The following CHMP7 variants were observed in gnomAD, a reference collection of about 807,000 sequenced individuals.
CHMP7 encodes charged multivesicular body protein 7.
CHMP7 carries 15 observed loss-of-function variants against 53.7 expected under a neutral mutation model. The observed-to-expected ratio is 0.28, with a 90% CI of 0.19 to 0.43. The LOEUF is 0.43. CHMP7 is among the 20% of genes least tolerant of loss of function. The pLI, the probability that CHMP7 is intolerant of heterozygous loss-of-function variation, is 1.00. For missense variants in CHMP7, 527 were observed against 569.4 expected (o/e 0.93, Z 0.76); for synonymous variants, 261 against 228.0 (o/e 1.14, Z -1.30).
intron 2 of CHMP7, 126 bp downstream of exon 2, chr8:23,247,120 C>G: frequency 1.1e-6 from 1 of 929,274 alleles, no homozygotes; most frequent in South Asian, 1.9e-5. Flanking sequence ...GAGAAGGCAT[C>G]CAGTGTGTGT....
Position 23,260,845 on chromosome 8 carries a change from C to T in CHMP7, c.*246C>T. 3.7e-6 allele frequency: 2 copies of T among 547,100 alleles called. No homozygotes were observed. The highest frequency in any genetic ancestry group is 5.0e-5 in the South Asian group (2 of 40,098). The allele number at this position is 547,100 out of a possible 1,614,324, so 33.9% of individuals were successfully genotyped here. ...TTTATAGTGCCACGATTTATACAGT[C>T]CTGTGTCTGACCTGTCATTTCATAG... is the stretch of plus-strand genomic sequence containing the variant. On this transcript the variant is annotated 3_prime_UTR_variant, in exon 11 of 11. Transcript: ENST00000397677.
At chr8:23,258,940 T>A in intron 8 of CHMP7, 110 bp downstream of exon 8, 1 of 1,055,004 alleles carries the variant, frequency 9.5e-7, no homozygotes, top group South Asian at 1.3e-5. Flanking sequence ...CTTGTGAACT[T>A]GAGGAAGCTT....
rs560797711 is a variant in CHMP7 at position 23,253,365 on chromosome 8, C to T, written c.472-1882C>T. 1.5e-3 allele frequency among the ~76,000 whole-genome samples: 235 copies of T among 152,314 alleles called. 1 individual carries two copies. Among genetic ancestry groups the T allele is most frequent in the Middle Eastern group, 3.4e-3 (1 of 294 alleles). ...GTGGCACAATGTTGGCTCAGTGCAA[C>T]CTCCGCCTCCTGGGTTCAAGCAATT... On this transcript the variant is annotated intron_variant, in intron 3 of 10. Coordinates refer to ENST00000397677, the MANE Select transcript of CHMP7 (RefSeq NM_152272.5).
rs2128860190 is a variant in CHMP7, at chr8:23,258,465, T to C, written c.960+16T>C. On this transcript the variant is annotated intron_variant, in intron 7 of 10. Coordinates refer to ENST00000397677, the MANE Select transcript of CHMP7 (RefSeq NM_152272.5). ...AGATCAGATGGTAGTCACTCCCCTC[T>C]ACTCCAGCACTTGGCTGGTCTCTCC... 1 of 1,613,818 alleles carries C rather than the reference T, an allele frequency of 6.2e-7. No individual in the cohort carries two copies. The highest frequency in any genetic ancestry group is 2.2e-5 in the East Asian group (1 of 44,824).
chr8:23,257,178 A>C (rs1802169593), intron 5 of CHMP7, among the ~76,000 whole-genome samples: 1 of 148,580 alleles, frequency 6.7e-6, no homozygotes, highest in Admixed American at 6.8e-5. Context: ...AGCTCACTGC[A>C]GTCTAACTCC....
At position 23,246,705 on chromosome 8, in the gene CHMP7, C is replaced by T. The variant is rs754602844; in HGVS notation, c.10C>T (p.Pro4Ser). Residue 4 changes from proline (P) to serine (S), a missense_variant, in exon 2 of 11, where the codon CCG becomes TCG. Physicochemically the swap from Pro to Ser is moderately conservative, Grantham distance 74 (BLOSUM62 -1). Transcript: ENST00000397677. ...CGGGGCTGGGGTTCCGATGTGGTCC[C>T]CGGAGCGGGAGGCCGAGGCCCCAGC... The part of the protein sequence containing the change: MWS[P>S]EREAEAPAGG... 2 of 1,548,580 alleles carry T rather than the reference C, an allele frequency of 1.3e-6. No individual in the cohort carries two copies. The highest frequency in any genetic ancestry group is 2.4e-5 in the South Asian group (2 of 83,994).
intron 3 of CHMP7, among the ~76,000 whole-genome samples, chr8:23,254,481 G>A (rs1314440521): frequency 6.6e-6 from 1 of 151,992 alleles, no homozygotes; most frequent in Admixed American, 6.5e-5. Flanking sequence ...TGCAACCTCC[G>A]CCTCCCAGGT....
rs1554528473 is a variant in CHMP7 at position 23,254,185 on chromosome 8, C to CCTTT, written c.472-1062_472-1061insCTTT. Reference sequence around the variant, plus strand: ...GCTCACTCTTCAGAATTCTGCTCAACTTTTTTTTTTTTTCAAGAAATCCTG... The same window carrying CCTTT: ...GCTCACTCTTCAGAATTCTGCTCAACCTTTTTTTTTTTTTTTTCAAGAAATCCTG... On this transcript the variant is annotated intron_variant, in intron 3 of 10. Coordinates refer to ENST00000397677, the MANE Select transcript of CHMP7 (RefSeq NM_152272.5). Among the ~76,000 whole-genome samples the CCTTT allele has an allele frequency of 5.2e-5, 7 of 134,930 alleles. 1 individual carries two copies. The highest frequency in any genetic ancestry group is 6.1e-5 in the Non-Finnish European group (4 of 65,246). 88.5% of individuals were successfully genotyped at this position (134,930 alleles called of 152,430 possible).
At chr8:23,254,185 C>CCT (rs1554528473) in intron 3 of CHMP7, among the ~76,000 whole-genome samples, 42,524 of 134,824 alleles carry the variant, frequency 0.32, 6,850 homozygotes, top group East Asian at 0.42. Context: ...TTCTGCTCAA[C>CCT]TTTTTTTTTT....
chr8:23,259,205 G>A, intron 9 of CHMP7, 79 bp downstream of exon 9: 1 of 686,962 alleles, frequency 1.5e-6, no homozygotes, highest in Non-Finnish European at 2.2e-6. Context: ...GTCTCGCTCT[G>A]TCGCCCAGGC....
chr8:23,259,677 T>C (rs1802302493), intron 9 of CHMP7, among the ~76,000 whole-genome samples: 1 of 152,176 alleles, frequency 6.6e-6, no homozygotes, highest in Non-Finnish European at 1.5e-5. Flanking sequence ...TGTTTCTTCC[T>C]TTCATCCTGG....
intron 4 of CHMP7, among the ~76,000 whole-genome samples, chr8:23,255,640 T>C (rs1329543073): frequency 6.6e-6 from 1 of 152,156 alleles, no homozygotes; most frequent in Non-Finnish European, 1.5e-5. Context: ...TGGGACCTCG[T>C]AGTATCCCGC....
chr8:23,259,035 C>A, intron 8 of CHMP7, 31 bp from the exon 9 acceptor site: 1 of 1,488,488 alleles, frequency 6.7e-7, no homozygotes, highest in South Asian at 1.1e-5. Flanking sequence ...CCACCATGCC[C>A]AGCTCAAGGC....
intron 3 of CHMP7, among the ~76,000 whole-genome samples, chr8:23,252,684 T>G (rs1801979999): frequency 6.6e-6 from 1 of 152,230 alleles, no homozygotes; most frequent in East Asian, 1.9e-4. Flanking sequence ...GCTATTGAAT[T>G]TCAGGTCTTG....
chr8:23,260,321 G>A lies in CHMP7; in HGVS notation c.1298G>A (p.Gly433Glu), dbSNP rs541546531. Residue 433 changes from glycine (G) to glutamate (E), a missense_variant and splice_region_variant, in exon 10 of 11, where the codon GGA becomes GAA. By Grantham distance (98) the Gly-to-Glu change is moderately conservative. Transcript: ENST00000397677. ...AELEKLSLSE[G>E]GLVPSSKSPK... ...CTTGAGAAACTGTCCTTATCAGAGG[G>A]AGGTATGGAGCTGTTTTCCAAGGCC... The A allele has an allele frequency of 2.4e-5, 38 of 1,614,176 alleles. No homozygotes were observed. Among genetic ancestry groups the A allele is most frequent in the African/African-American group, 2.1e-4 (16 of 75,050 alleles).
At chr8:23,256,438 G>C in intron 4 of CHMP7, 22 bp from the exon 5 acceptor site, 1 of 1,581,140 alleles carries the variant, frequency 6.3e-7, no homozygotes, top group Non-Finnish European at 8.7e-7. Context: ...AGCAGCAGTA[G>C]TAATTTCTCC....
chr8:23,250,648 G>A (rs1031672067), intron 3 of CHMP7, among the ~76,000 whole-genome samples: 36 of 134,238 alleles, frequency 2.7e-4, no homozygotes, highest in Admixed American at 5.1e-4. Context: ...GTGTGTGTGT[G>A]TGTGTGTGTG....
At chr8:23,249,132 G>A (rs1308559164) in intron 2 of CHMP7, 78 bp from the exon 3 acceptor site, 3 of 1,258,024 alleles carry the variant, frequency 2.4e-6, no homozygotes, top group Non-Finnish European at 3.3e-6. Context: ...TCCTCTTTTA[G>A]GGTAAAGGGG....
intron 9 of CHMP7, 36 bp downstream of exon 9, chr8:23,259,162 ATTTT>A (rs374301627): frequency 3.9e-3 from 2,028 of 526,234 alleles, no homozygotes; most frequent in East Asian, 7.3e-3. Flanking sequence ...ATTTTTATTC[ATTTT>A]TTTTTTTTTT....
Sources: allele counts gnomAD v4.1 joint callset (sites outside exome capture counted in the v4.1 genomes callset), GRCh38; gene constraint gnomAD v4.1.1; transcripts MANE v1.5; gene names NCBI Gene and HGNC (gene_info 2026-07-23, HGNC 2026-07-21).